Variants in ERCC6L observed in about 807,000 individuals in gnomAD.
The protein encoded by ERCC6L is DNA excision repair protein ERCC-6-like.
In ERCC6L, 7 loss-of-function variants were observed where a neutral mutation model predicts 20.1. That is an observed-to-expected ratio of 0.35 (90% CI 0.20 to 0.65). The LOEUF is 0.65. Ranked by LOEUF, ERCC6L falls within the 30% of genes least tolerant of loss-of-function variation. The pLI, the probability that ERCC6L is intolerant of heterozygous loss-of-function variation, is 0.69. For synonymous variants in ERCC6L, 278 were observed against 331.3 expected (o/e 0.84, Z 1.75); for missense variants, 592 against 892.4 (o/e 0.66, Z 4.29).
At chrX:72,218,909 C>T (rs1446207842) in intron 1 of ERCC6L, among the ~76,000 whole-genome samples, 3 of 112,685 alleles carry the variant, frequency 2.7e-5, no homozygotes, top group East Asian at 5.5e-4. Context: ...CTAAGTGTTG[C>T]ACCTCCTCGT....
chrX:72,208,498 C>T lies in ERCC6L; in HGVS notation c.269G>A (p.Arg90Gln), dbSNP rs140278755. The T allele has an allele frequency of 6.7e-4, 809 of 1,209,941 alleles. 8 individuals carry two copies. The African/African-American group carries it at 0.011, about 17-fold the overall frequency. Residue 90 changes from arginine to glutamine, a missense_variant, in exon 2 of 2, where the codon CGA becomes CAA. Physicochemically the swap from Arg to Gln is conservative, Grantham distance 43. This residue lies in a region of ERCC6L where 196 missense variants were observed against 440.1 expected (regional missense o/e 0.45). Coordinates refer to ENST00000334463, the MANE Select transcript of ERCC6L (RefSeq NM_017669.4). Reference protein sequence around the residue: ...DVCNSGLLLYRELHNQLFEHQ... With the variant: ...DVCNSGLLLYQELHNQLFEHQ... ...CTCAAAGAGTTGGTTGTGCAGTTCT[C>T]GATAAAGTAGCAAGCCAGAGTTGCA... is the stretch of plus-strand genomic sequence containing the variant.
At chrX:72,222,514 G>A (rs1183083901) in intron 1 of ERCC6L, among the ~76,000 whole-genome samples, 2 of 110,573 alleles carry the variant, frequency 1.8e-5, no homozygotes, top group African/African-American at 3.3e-5. Flanking sequence ...GTCTCCTCAC[G>A]GGCATGAACA....
At chrX:72,229,729 A>G (rs1446071535) in intron 1 of ERCC6L, among the ~76,000 whole-genome samples, 1 of 111,510 alleles carries the variant, frequency 9.0e-6, no homozygotes, top group Non-Finnish European at 1.9e-5. Context: ...CCCATCCAAT[A>G]TGTTAGAAAA....
At chrX:72,210,696 ACTT>A (rs1257325183) in intron 1 of ERCC6L, among the ~76,000 whole-genome samples, 3 of 111,192 alleles carry the variant, frequency 2.7e-5, no homozygotes, top group Non-Finnish European at 5.7e-5. Flanking sequence ...GTGTGCCTAG[ACTT>A]CTTAGCACCA....
intron 1 of ERCC6L, among the ~76,000 whole-genome samples, chrX:72,234,268 G>A (rs1020442245): frequency 1.8e-5 from 2 of 112,312 alleles, no homozygotes; most frequent in Middle Eastern, 4.2e-3. Context: ...AATCCGGAGA[G>A]CAAGGGCTCC....
chrX:72,237,654 C>T (rs1020353487), intron 1 of ERCC6L, among the ~76,000 whole-genome samples: 3 of 105,828 alleles, frequency 2.8e-5, no homozygotes, highest in African/African-American at 1.0e-4. Context: ...GTCCCAGCTA[C>T]TCCGGAAACA....
In ERCC6L at chrX:72,205,729, ACTT is replaced by A. The variant is rs774666888; in HGVS notation, c.3035_3037del (p.Glu1012del). 8.8e-5 allele frequency: 106 copies of A among 1,210,315 alleles called. No homozygotes were observed. Among genetic ancestry groups the A allele is most frequent in the Non-Finnish European group, 1.1e-4 (98 of 895,221 alleles). On this transcript the variant is annotated inframe_deletion, in exon 2 of 2. Coordinates refer to ENST00000334463, the MANE Select transcript of ERCC6L (RefSeq NM_017669.4). Reference sequence around the variant, plus strand: ...ACTTCTGATTTTTGCTTTAACTACTACTTCTTCTGGTTCATCGTCTTTCTCAGA... The same window carrying A: ...ACTTCTGATTTTTGCTTTAACTACTACTTCTGGTTCATCGTCTTTCTCAGA...
chrX:72,205,700 C>T lies in ERCC6L; in HGVS notation c.3067G>A (p.Ala1023Thr). The T allele has an allele frequency of 5.0e-6, 6 of 1,211,850 alleles. No homozygotes were observed. Among genetic ancestry groups the T allele is most frequent in the Non-Finnish European group, 6.7e-6 (6 of 895,520 alleles). ...TCGCCATCTGAAACAATCCTTCTAGCTTTACTTCTGATTTTTGCTTTAACT... is the reference window on the plus strand; with the variant it reads ...TCGCCATCTGAAACAATCCTTCTAGTTTTACTTCTGATTTTTGCTTTAACT... ...VVVKAKIRSK[A>T]RRIVSDGEDE... Residue 1023 changes from alanine (A) to threonine (T), a missense_variant, in exon 2 of 2, where the codon GCT becomes ACT. Around this residue, in one of 3 missense-constraint regions of ERCC6L, gnomAD observed 352 missense variants for 402.6 expected, o/e 0.87. Coordinates refer to ENST00000334463, the MANE Select transcript of ERCC6L (RefSeq NM_017669.4).
chrX:72,227,158 G>A (rs112357071), intron 1 of ERCC6L, among the ~76,000 whole-genome samples: 1 of 111,589 alleles, frequency 9.0e-6, no homozygotes, highest in Admixed American at 9.5e-5. Flanking sequence ...AGGATGGGTC[G>A]AGGCTTTTCC....
intron 1 of ERCC6L, among the ~76,000 whole-genome samples, chrX:72,234,691 T>G (rs2043006246): frequency 1.8e-5 from 2 of 111,164 alleles, no homozygotes; most frequent in African/African-American, 6.5e-5. Flanking sequence ...GTGCCTTAGC[T>G]AGAAGCATGG....
chrX:72,229,034 T>C (rs985535734), intron 1 of ERCC6L, among the ~76,000 whole-genome samples: 3 of 111,371 alleles, frequency 2.7e-5, no homozygotes, highest in African/African-American at 9.8e-5. Context: ...GCAATTATCC[T>C]ACTTCCAGGG....
rs1157427084 is a variant in ERCC6L, at chrX:72,205,256, C to T, written c.3511G>A (p.Glu1171Lys). Reference sequence around the variant, plus strand: ...GGCTCAGGGGCACCAAGAGAGGTCTCTTGAGCTAGAGCACTAGGCTTAGAC... The same window carrying T: ...GGCTCAGGGGCACCAAGAGAGGTCTTTTGAGCTAGAGCACTAGGCTTAGAC... ...MTSKPSALAQETSLGAPEPLS... is the reference protein window; with the variant it reads ...MTSKPSALAQKTSLGAPEPLS... The change falls in exon 2 of 2, where the codon GAG (glutamate) becomes AAG (lysine). Residue 1171 changes from glutamate (E) to lysine (K), a missense_variant. Glu to Lys is a moderately conservative substitution (Grantham distance 56). Transcript: ENST00000334463. The T allele has an allele frequency of 1.7e-6, 2 of 1,211,992 alleles. No homozygotes were observed. The highest frequency in any genetic ancestry group is 2.3e-4 in the Middle Eastern group (1 of 4,352).
rs959156292 is a variant in ERCC6L at position 72,226,830 on chromosome X, A to G, written c.68+12014T>C. Among the ~76,000 whole-genome samples, 17 of 111,780 alleles carry G rather than the reference A, an allele frequency of 1.5e-4. No homozygotes were observed. In the Admixed American group the frequency reaches 1.5e-3, roughly 10 times the overall value. On this transcript the variant is annotated intron_variant, in intron 1 of 1. Coordinates refer to ENST00000334463, the MANE Select transcript of ERCC6L (RefSeq NM_017669.4). ...CCCCATACTGCTTTGTACAAAACAA[A>G]TTAGTCCCATCTGACCCTGAAGAAA...
chrX:72,222,167 C>T (rs1048406013), intron 1 of ERCC6L, among the ~76,000 whole-genome samples: 2 of 111,600 alleles, frequency 1.8e-5, no homozygotes, highest in African/African-American at 6.5e-5. Context: ...AGGCATTGCT[C>T]GTATTCACAT....
intron 1 of ERCC6L, among the ~76,000 whole-genome samples, chrX:72,238,270 G>GC (rs2043028961): frequency 9.0e-6 from 1 of 111,037 alleles, no homozygotes; most frequent in Admixed American, 9.6e-5. Context: ...ACATTACCAC[G>GC]CCCCCCACCC....
chrX:72,229,247 C>A (rs1385967049), intron 1 of ERCC6L, among the ~76,000 whole-genome samples: 2 of 111,297 alleles, frequency 1.8e-5, no homozygotes, highest in Non-Finnish European at 3.8e-5. Context: ...TTATTAAACA[C>A]CCCTCTGACC....
At chrX:72,212,509 A>G (rs2042861591) in intron 1 of ERCC6L, among the ~76,000 whole-genome samples, 2 of 111,855 alleles carry the variant, frequency 1.8e-5, no homozygotes, top group Admixed American at 1.9e-4. Flanking sequence ...TGCCCCAAAG[A>G]GCTAAGCTAA....
intron 1 of ERCC6L, among the ~76,000 whole-genome samples, chrX:72,225,802 G>A (rs6624613): frequency 0.45 from 49,418 of 109,502 alleles, 10,380 homozygotes; most frequent in East Asian, 0.98. Flanking sequence ...AGATCCTTTC[G>A]TCTATATTTA....
At chrX:72,224,160 G>A (rs1051852607) in intron 1 of ERCC6L, among the ~76,000 whole-genome samples, 5 of 111,264 alleles carry the variant, frequency 4.5e-5, no homozygotes, top group African/African-American at 1.6e-4. Context: ...ATACTGGGGC[G>A]AGCCTATCAG....
Sources: allele counts gnomAD v4.1 joint callset (sites outside exome capture counted in the v4.1 genomes callset), GRCh38; gene constraint gnomAD v4.1.1; regional missense constraint gnomAD v4.1.1; transcripts MANE v1.5; gene names NCBI Gene and HGNC (gene_info 2026-07-23, HGNC 2026-07-21).